Variants in NAV2 observed in about 807,000 individuals in gnomAD.
NAV2 encodes the protein neuron navigator 2.
In NAV2, 54 loss-of-function variants were observed where a neutral mutation model predicts 223.2. The observed-to-expected ratio is 0.24, with a 90% CI of 0.19 to 0.30. The LOEUF is 0.30. NAV2 is among the 10% of genes least tolerant of loss of function. NAV2 has a pLI of 1.00. For missense variants in NAV2, 2,806 were observed against 3,147.5 expected (o/e 0.89, Z 2.60); for synonymous variants, 1,279 against 1,239.3 (o/e 1.03, Z -0.67).
At chr11:20,044,857 T>A in intron 13 of NAV2, 111 bp from the exon 14 acceptor site, 1 of 829,790 alleles carries the variant, frequency 1.2e-6, no homozygotes, top group Non-Finnish European at 1.9e-6. Flanking sequence ...TTCCTCTGCC[T>A]CCCCAAGGGA....
At chr11:19,438,045 C>T (rs546052038) in intron 1 of NAV2, among the ~76,000 whole-genome samples, 1 of 152,198 alleles carries the variant, frequency 6.6e-6, no homozygotes, top group Non-Finnish European at 1.5e-5. Flanking sequence ...AGGTTCCAAG[C>T]CGCCTCCTTG....
chr11:19,418,219 G>A (rs1850462111), intron 1 of NAV2, among the ~76,000 whole-genome samples: 1 of 152,218 alleles, frequency 6.6e-6, no homozygotes, highest in Admixed American at 6.5e-5. Context: ...CTCTCAATCT[G>A]TCAGTGTTCA....
At chr11:19,578,440 G>T (rs1048477708) in intron 1 of NAV2, among the ~76,000 whole-genome samples, 1 of 152,188 alleles carries the variant, frequency 6.6e-6, no homozygotes, top group Admixed American at 6.5e-5. Context: ...CTCTAGAAGG[G>T]ACATCGACTT....
chr11:19,796,875 G>A (rs1446651856), intron 1 of NAV2, among the ~76,000 whole-genome samples: 1 of 152,118 alleles, frequency 6.6e-6, no homozygotes, highest in Non-Finnish European at 1.5e-5. Context: ...CTCTGATTAG[G>A]TAGTCTCCCC....
chr11:19,870,411 C>T (rs1487881972), intron 4 of NAV2, among the ~76,000 whole-genome samples: 2 of 152,040 alleles, frequency 1.3e-5, no homozygotes, highest in Admixed American at 1.3e-4. Context: ...GGCCTGTGTC[C>T]CCCAGCAGAG....
rs373806137 is a variant in NAV2, at chr11:19,925,673, G to A, written c.932-7503G>A. ...TGAGGCAAGAGAATTGCTTGAACCCGGGAGGCGGAGGTTGCAGTGAGCTGA... is the reference window on the plus strand; with the variant it reads ...TGAGGCAAGAGAATTGCTTGAACCCAGGAGGCGGAGGTTGCAGTGAGCTGA... On this transcript the variant is annotated intron_variant, in intron 6 of 37. Coordinates refer to ENST00000349880, the MANE Select transcript of NAV2 (RefSeq NM_145117.5). Among the ~76,000 whole-genome samples, 33 of 151,954 alleles carry A rather than the reference G, an allele frequency of 2.2e-4. No homozygotes were observed. The South Asian group carries it at 2.5e-3, about 12-fold the overall frequency.
intron 1 of NAV2, among the ~76,000 whole-genome samples, chr11:19,600,000 T>C (rs1565088922): frequency 1.3e-5 from 2 of 152,082 alleles, no homozygotes; most frequent in Non-Finnish European, 2.9e-5. Flanking sequence ...TCAGTACAAG[T>C]AGTTTATTTG....
chr11:19,348,615 C>T (rs1853127267), upstream of NAV2, among the ~76,000 whole-genome samples: 1 of 152,194 alleles, frequency 6.6e-6, no homozygotes, highest in Non-Finnish European at 1.5e-5. Context: ...ATGCCCTTAA[C>T]AGAGATGTGC....
chr11:19,800,441 T>A (rs2058175430), intron 1 of NAV2, among the ~76,000 whole-genome samples: 1 of 152,172 alleles, frequency 6.6e-6, no homozygotes, highest in African/African-American at 2.4e-5. Context: ...CAAGAAAAAC[T>A]TCATTCTCTT....
Position 19,396,997 on chromosome 11 carries a change from A to G in NAV2, c.75+45970A>G, listed in dbSNP as rs545561850. Among the ~76,000 whole-genome samples the G allele has an allele frequency of 1.2e-4, 18 of 152,228 alleles. No homozygotes were observed. The South Asian group carries it at 3.7e-3, about 32-fold the overall frequency. ...CCACTGAGGAGTGAGGGTGTAATGA[A>G]TGTATCTCTCCCTTGCAGTTCCCTG... On this transcript the variant is annotated intron_variant, in intron 1 of 37. Transcript: ENST00000360655.
intron 1 of NAV2, among the ~76,000 whole-genome samples, chr11:19,634,575 A>T (rs2047437353): frequency 6.6e-6 from 1 of 152,220 alleles, no homozygotes. Flanking sequence ...CCATCCATTC[A>T]TTCGTTCCTT....
intron 1 of NAV2, among the ~76,000 whole-genome samples, chr11:19,592,372 C>T (rs1427425906): frequency 1.3e-5 from 2 of 152,092 alleles, no homozygotes; most frequent in Non-Finnish European, 2.9e-5. Context: ...AAAACAATTC[C>T]AAATGCCACC....
intron 1 of NAV2, among the ~76,000 whole-genome samples, chr11:19,741,396 T>C (rs2052781144): frequency 6.6e-6 from 1 of 151,942 alleles, no homozygotes; most frequent in African/African-American, 2.4e-5. Flanking sequence ...TTGTCCCCTT[T>C]GTTCTATATC....
chr11:19,993,234 T>G (rs1204028460), intron 11 of NAV2, among the ~76,000 whole-genome samples: 1 of 152,250 alleles, frequency 6.6e-6, no homozygotes, highest in Non-Finnish European at 1.5e-5. Context: ...AAACTCTATT[T>G]GGCCATAACA....
intron 1 of NAV2, among the ~76,000 whole-genome samples, chr11:19,642,614 A>G (rs1863259): frequency 0.87 from 131,468 of 151,816 alleles, 58,046 homozygotes; most frequent in Middle Eastern, 0.96. Context: ...TGGAGTCAAC[A>G]GCTTTGATTA....
chr11:19,661,461 G>A (rs2048281093), intron 1 of NAV2, among the ~76,000 whole-genome samples: 1 of 152,080 alleles, frequency 6.6e-6, no homozygotes, highest in Non-Finnish European at 1.5e-5. Context: ...TAAAAGGCCT[G>A]GGTTTTTCTG....
chr11:19,366,091 A>T (rs912889037), intron 1 of NAV2, among the ~76,000 whole-genome samples: 6 of 152,236 alleles, frequency 3.9e-5, no homozygotes, highest in Non-Finnish European at 8.8e-5. Context: ...CTCTCATTTC[A>T]GCAGCCACTA....
chr11:19,592,892 C>T (rs1250702127), intron 1 of NAV2, among the ~76,000 whole-genome samples: 1 of 152,154 alleles, frequency 6.6e-6, no homozygotes, highest in Non-Finnish European at 1.5e-5. Flanking sequence ...AAAGATGGTA[C>T]TGAGAGATCC....
chr11:19,743,518 G>A (rs750371224), intron 1 of NAV2, among the ~76,000 whole-genome samples: 2 of 152,214 alleles, frequency 1.3e-5, no homozygotes, highest in African/African-American at 2.4e-5. Flanking sequence ...GTAGCTTCAG[G>A]TGGGAATGCC....
Sources: gnomAD v4.1 joint callset for allele counts (sites outside exome capture counted in the v4.1 genomes callset) on GRCh38, gnomAD v4.1.1 for gene constraint, MANE v1.5 for transcripts, NCBI Gene and HGNC (gene_info 2026-07-23, HGNC 2026-07-21) for gene names.